Variants in SLAIN2 observed in about 807,000 individuals in gnomAD.
The protein encoded by SLAIN2 is SLAIN family member 2, also known as SLAIN motif-containing protein 2.
SLAIN2 carries 31 observed loss-of-function variants against 56.6 expected under a neutral mutation model. That is an observed-to-expected ratio of 0.55 (90% CI 0.41 to 0.74). The LOEUF is 0.74. Among genes scored for constraint, SLAIN2 ranks in the 30% least tolerant of loss-of-function variants. SLAIN2 has a pLI of 0.00. For missense variants in SLAIN2, 777 were observed against 754.2 expected, an observed-to-expected ratio of 1.03 and a Z score of -0.35; for synonymous variants, 317 against 284.9, an observed-to-expected ratio of 1.11 and a Z score of -1.13.
At chr4:48,381,733 T>A (rs1577723453) in intron 4 of SLAIN2, among the ~76,000 whole-genome samples, 1 of 152,218 alleles carries the variant, frequency 6.6e-6, no homozygotes, top group African/African-American at 2.4e-5. Context: ...ACTTTAGGAT[T>A]TGAATACCAC....
intron 1 of SLAIN2, among the ~76,000 whole-genome samples, chr4:48,348,936 G>C (rs766229662): frequency 7.9e-5 from 12 of 152,184 alleles, no homozygotes; most frequent in Non-Finnish European, 1.6e-4. Context: ...GTCCTCAGCA[G>C]TCCAGCGCTA....
chr4:48,378,220 T>C (rs1482631268), intron 3 of SLAIN2, among the ~76,000 whole-genome samples, 160 bp downstream of exon 3: 1 of 152,218 alleles, frequency 6.6e-6, no homozygotes, highest in African/African-American at 2.4e-5. Flanking sequence ...CCAGGTACTA[T>C]ATTAGGCACC....
At position 48,341,665 on chromosome 4, in the gene SLAIN2, C is replaced by G; in HGVS notation, c.-75C>G. 6.7e-7 allele frequency: 1 copy of G among 1,489,818 alleles called. No individual in the cohort carries two copies. The highest frequency in any genetic ancestry group is 8.9e-7 in the Non-Finnish European group (1 of 1,119,762). The allele number at this position is 1,489,818 out of a possible 1,614,324, so 92.3% of individuals were successfully genotyped here. ...CGGCTAGAGTGAGCGGCGGCGACGC[C>G]TCTTTCCTCCGTCTCTTTCCCTGTC... On this transcript the variant is annotated 5_prime_UTR_variant, in exon 1 of 8. Coordinates refer to ENST00000264313, the MANE Select transcript of SLAIN2 (RefSeq NM_020846.2).
intron 6 of SLAIN2, among the ~76,000 whole-genome samples, chr4:48,419,429 C>A (rs879319981): frequency 3.3e-5 from 5 of 152,134 alleles, no homozygotes; most frequent in Admixed American, 1.3e-4. Context: ...GAAGCAGAGT[C>A]TTGCTCTGTC....
chr4:48,401,356 C>G (rs941504684), intron 6 of SLAIN2, among the ~76,000 whole-genome samples: 7 of 152,252 alleles, frequency 4.6e-5, no homozygotes, highest in South Asian at 4.2e-4. Flanking sequence ...GATGTTCTGT[C>G]TAATATTGTC....
intron 6 of SLAIN2, among the ~76,000 whole-genome samples, chr4:48,389,094 A>G (rs1461574346): frequency 2.0e-5 from 3 of 152,130 alleles, no homozygotes; most frequent in Non-Finnish European, 4.4e-5. Flanking sequence ...ATTTTGAAAC[A>G]CAAATTGAAA....
Position 48,369,986 on chromosome 4 carries a change from A to C in SLAIN2, c.527A>C (p.Gln176Pro), listed in dbSNP as rs1177101900. ...AAATCTCTTATCCACAAACTTGATC[A>C]AACTATGTCAGGTATGTCTATAATT... is the stretch of plus-strand genomic sequence containing the variant. ...AKKSLIHKLD[Q>P]TMSALKRQNL... Residue 176 changes from glutamine to proline, a missense_variant, in exon 2 of 8, where the codon CAA becomes CCA. Gln to Pro is a moderately conservative substitution (Grantham distance 76). Coordinates refer to ENST00000264313, the MANE Select transcript of SLAIN2 (RefSeq NM_020846.2). The C allele has an allele frequency of 6.2e-7, 1 of 1,613,280 alleles. No individual in the cohort carries two copies. The highest frequency in any genetic ancestry group is 1.7e-5 in the Admixed American group (1 of 59,950).
chr4:48,370,016 T>G lies in SLAIN2; in HGVS notation c.538+19T>G. The G allele has an allele frequency of 6.2e-7, 1 of 1,608,000 alleles. No homozygotes were observed. The highest frequency in any genetic ancestry group is 8.5e-7 in the Non-Finnish European group (1 of 1,176,676). On this transcript the variant is annotated intron_variant, in intron 2 of 7. Transcript: ENST00000264313. Reference sequence around the variant, plus strand: ...ATGTCAGGTATGTCTATAATTTTGCTTGTAAATTCATCTCTTTGCTTTCTT... The same window carrying G: ...ATGTCAGGTATGTCTATAATTTTGCGTGTAAATTCATCTCTTTGCTTTCTT...
intron 2 of SLAIN2, among the ~76,000 whole-genome samples, chr4:48,372,026 A>G (rs1159198080): frequency 6.9e-6 from 1 of 144,198 alleles, no homozygotes; most frequent in African/African-American, 2.7e-5. Context: ...ACATATATAC[A>G]CATATATATA....
At chr4:48,391,994 C>A (rs1716246029) in intron 6 of SLAIN2, among the ~76,000 whole-genome samples, 1 of 152,054 alleles carries the variant, frequency 6.6e-6, no homozygotes, top group Non-Finnish European at 1.5e-5. Flanking sequence ...TTAAAATAAC[C>A]AAAGAAAGTT....
In SLAIN2 at chr4:48,377,922, A is replaced by G. The variant is rs761146076; in HGVS notation, c.565A>G (p.Asn189Asp). The G allele has an allele frequency of 6.2e-7, 1 of 1,613,734 alleles. No homozygotes were observed. ...SALKRQNLYNNPFNSMSYTSP... is the reference protein window; with the variant it reads ...SALKRQNLYNDPFNSMSYTSP... ...TCTCAAGAGGCAGAATTTATATAAT[A>G]ATCCTTTCAACTCTATGAGTTACAC... Residue 189 changes from asparagine (N) to aspartate (D), a missense_variant, in exon 3 of 8, where the codon AAT (asparagine) becomes GAT (aspartate). Transcript: ENST00000264313.
chr4:48,417,827 A>G (rs931848666), intron 6 of SLAIN2, among the ~76,000 whole-genome samples: 3 of 151,876 alleles, frequency 2.0e-5, no homozygotes, highest in African/African-American at 7.3e-5. Context: ...CTCTCAATAA[A>G]TTAGGTATTG....
chr4:48,419,876 G>C (rs1322731141), intron 6 of SLAIN2, among the ~76,000 whole-genome samples: 1 of 152,146 alleles, frequency 6.6e-6, no homozygotes, highest in Non-Finnish European at 1.5e-5. Context: ...TGGTATTATG[G>C]ATTCCAAGCT....
Position 48,382,553 on chromosome 4 carries a change from A to G in SLAIN2, c.863-15A>G, listed in dbSNP as rs1395568292. The G allele has an allele frequency of 6.5e-7, 1 of 1,530,438 alleles. No homozygotes were observed. The highest frequency in any genetic ancestry group is 1.4e-5 in the African/African-American group (1 of 72,690). The allele number at this position is 1,530,438 out of a possible 1,614,324, so 94.8% of individuals were successfully genotyped here. A position where few individuals can be genotyped will look rare whatever the true frequency, so the allele number is the denominator to read the frequency against. On this transcript the variant is annotated splice_polypyrimidine_tract_variant and intron_variant, in intron 4 of 7. Transcript: ENST00000264313. ...TAAAAATATTGTTTAAATAAATAAC[A>G]TTCATTGTTGCCAGGTCTCCGGCAA...
At position 48,341,559 on chromosome 4, in the gene SLAIN2, C is replaced by CTGCTTGAAAAAA; in HGVS notation, c.-181_-180insTGCTTGAAAAAA. ...CGGAGCCGGCGCAGATGAGGCAGTT[C>CTGCTTGAAAAAA]GGCTGGGGCCAGCGGCGCTTTGGAA... On this transcript the variant is annotated 5_prime_UTR_variant, in exon 1 of 8. Coordinates refer to ENST00000264313, the MANE Select transcript of SLAIN2 (RefSeq NM_020846.2). The CTGCTTGAAAAAA allele has an allele frequency of 1.1e-6, 1 of 922,796 alleles. No individual in the cohort carries two copies. The highest frequency in any genetic ancestry group is 2.3e-5 in the South Asian group (1 of 42,876). The allele number at this position is 922,796 out of a possible 1,614,324, so 57.2% of individuals were successfully genotyped here. A position where few individuals can be genotyped will look rare whatever the true frequency, so the allele number is the denominator to read the frequency against.
chr4:48,422,031 C>T lies in SLAIN2; in HGVS notation c.1700C>T (p.Thr567Ile), dbSNP rs1160889532. ...PVRRSLPAPK[T>I]YGSMKDDSWK... is the part of the protein sequence containing the mutation. Reference sequence around the variant, plus strand: ...TACAGATCCTTGCCAGCTCCTAAAACCTATGGTAGCATGAAAGATGACAGT... The same window carrying T: ...TACAGATCCTTGCCAGCTCCTAAAATCTATGGTAGCATGAAAGATGACAGT... Residue 567 changes from threonine (T) to isoleucine (I), a missense_variant, in exon 8 of 8, where the codon ACC (threonine) becomes ATC (isoleucine). Transcript: ENST00000264313. The T allele has an allele frequency of 6.2e-7, 1 of 1,610,444 alleles. No individual in the cohort carries two copies. Among genetic ancestry groups the T allele is most frequent in the East Asian group, 2.2e-5 (1 of 44,718 alleles).
At position 48,414,664 on chromosome 4, in the gene SLAIN2, T is replaced by C. The variant is rs1716953095; in HGVS notation, c.1361-5461T>C. Among the ~76,000 whole-genome samples, 4 of 127,448 alleles carry C rather than the reference T, an allele frequency of 3.1e-5. No homozygotes were observed. In the Admixed American group the frequency reaches 3.2e-4, roughly 10 times the overall value. 83.6% of individuals were successfully genotyped at this position (127,448 alleles called of 152,430 possible). On this transcript the variant is annotated intron_variant, in intron 6 of 7. Coordinates refer to ENST00000264313, the MANE Select transcript of SLAIN2 (RefSeq NM_020846.2). ...TGCTGGTGCGCTGCACCCACTAATG[T>C]GTCATCTAGCATTAGGTATATCTCC...
chr4:48,383,474 A>G (rs1361637983), intron 5 of SLAIN2, among the ~76,000 whole-genome samples, 173 bp from the exon 6 acceptor site: 1 of 152,148 alleles, frequency 6.6e-6, no homozygotes, highest in Non-Finnish European at 1.5e-5. Context: ...TACCCACTTA[A>G]CAGATCCTAG....
intron 1 of SLAIN2, among the ~76,000 whole-genome samples, chr4:48,359,026 A>G (rs973312253): frequency 6.6e-6 from 1 of 152,220 alleles, no homozygotes; most frequent in Non-Finnish European, 1.5e-5. Context: ...CAGCCTAAAG[A>G]TAATAAGATA....
Sources: gnomAD v4.1 joint callset for allele counts (sites outside exome capture counted in the v4.1 genomes callset) on GRCh38, gnomAD v4.1.1 for gene constraint, MANE v1.5 for transcripts, NCBI Gene and HGNC (gene_info 2026-07-23, HGNC 2026-07-21) for gene names.